The following DOT1L variants were observed in gnomAD, a reference collection of about 807,000 sequenced individuals.
DOT1L encodes the protein DOT1 like histone lysine methyltransferase, also known as histone-lysine N-methyltransferase, H3 lysine-79 specific.
DOT1L carries 33 observed loss-of-function variants against 153.3 expected under a neutral mutation model. The observed-to-expected ratio is 0.22, with a 90% CI of 0.16 to 0.29. The LOEUF (loss-of-function observed/expected upper bound fraction) is 0.29. Ranked by LOEUF, DOT1L falls within the 10% of genes least tolerant of loss-of-function variation. DOT1L has a pLI of 1.00. For missense variants in DOT1L, 1,847 were observed against 2,119.9 expected (o/e 0.87, Z 2.53); for synonymous variants, 1,135 against 965.1 (o/e 1.18, Z -3.26).
In DOT1L at chr19:2,204,509, T is replaced by G. The variant is rs1172154537; in HGVS notation, c.787+1730T>G. On this transcript the variant is annotated intron_variant, in intron 9 of 27. Coordinates refer to ENST00000398665, the MANE Select transcript of DOT1L (RefSeq NM_032482.3). This position sits in a 1 kb window ranked among gnomAD's most constrained non-coding sequence, Gnocchi z 5.7. ...TGCATGCAGGAAGGCAGCAGTGGCT[T>G]CAGGCAGCTCCTGTCACCCCCTCCA... 6.6e-6 allele frequency among the ~76,000 whole-genome samples: 1 copy of G among 152,180 alleles called. No homozygotes were observed. The highest frequency in any genetic ancestry group is 2.4e-5 in the African/African-American group (1 of 41,446).
intron 1 of DOT1L, among the ~76,000 whole-genome samples, chr19:2,178,942 C>T (rs183316570): frequency 6.6e-6 from 1 of 152,314 alleles, no homozygotes; most frequent in African/African-American, 2.4e-5. Flanking sequence ...CATCACAGTA[C>T]CCTGATCCGA....
Position 2,207,634 on chromosome 19 carries a change from C to T in DOT1L, c.917C>T (p.Thr306Met), listed in dbSNP as rs752264656. ...CCCCTGAAGGGCTCGGTGTCGTGGA[C>T]GGGGAAGCCAGTCTCCTACTACCTG... is the stretch of plus-strand genomic sequence containing the variant. ...LSPLKGSVSW[T>M]GKPVSYYLHT... The change falls in exon 11 of 28, where the codon ACG (threonine) becomes ATG (methionine). Residue 306 changes from threonine to methionine, a missense_variant. Coordinates refer to ENST00000398665, the MANE Select transcript of DOT1L (RefSeq NM_032482.3). The surrounding 1 kb of genome is among the most constrained non-coding windows in gnomAD (Gnocchi z 4.5). The T allele has an allele frequency of 1.2e-6, 2 of 1,612,782 alleles. No homozygotes were observed. The highest frequency in any genetic ancestry group is 1.3e-5 in the African/African-American group (1 of 75,020).
intron 9 of DOT1L, among the ~76,000 whole-genome samples, chr19:2,206,417 GT>G (rs1394731632): frequency 7.2e-5 from 11 of 151,846 alleles, no homozygotes; most frequent in Non-Finnish European, 1.5e-4. Context: ...AATTAGCCAG[GT>G]GTGGTGGTGT....
At position 2,213,612 on chromosome 19, in the gene DOT1L, G is replaced by A. The variant is rs368621121; in HGVS notation, c.1631G>A (p.Arg544Lys). The A allele has an allele frequency of 2.1e-5, 34 of 1,613,798 alleles. No individual in the cohort carries two copies. The African/African-American group carries it at 4.3e-4, about 20-fold the overall frequency. The change falls in exon 17 of 28, where the codon AGG (arginine) becomes AAG (lysine). Residue 544 changes from arginine (R) to lysine (K), a missense_variant. This residue lies in a region of DOT1L where 156 missense variants were observed against 235.7 expected (regional missense o/e 0.66). Transcript: ENST00000398665. Reference protein sequence around the residue: ...SHCQAQKEEIRRLFQQKLDEL... With the variant: ...SHCQAQKEEIKRLFQQKLDEL... Reference sequence around the variant, plus strand: ...TGCCAGGCCCAGAAGGAGGAGATCAGGAGGCTGTTTCAGCAAAAATTGGAT... The same window carrying A: ...TGCCAGGCCCAGAAGGAGGAGATCAAGAGGCTGTTTCAGCAAAAATTGGAT...
intron 3 of DOT1L, among the ~76,000 whole-genome samples, chr19:2,188,897 G>A (rs745602210): frequency 1.6e-4 from 24 of 152,308 alleles, no homozygotes; most frequent in African/African-American, 4.1e-4. Context: ...CCGCGTGGCC[G>A]GTGTTTCTTG....
At chr19:2,214,677 G>A in intron 19 of DOT1L, 81 bp downstream of exon 19, 3 of 1,538,278 alleles carry the variant, frequency 2.0e-6, no homozygotes, top group Admixed American at 1.9e-5. Flanking sequence ...AGCCTAGGGT[G>A]GTTGCGGTTG....
chr19:2,188,032 C>T (rs1288396896), intron 3 of DOT1L, among the ~76,000 whole-genome samples: 1 of 152,128 alleles, frequency 6.6e-6, no homozygotes, highest in East Asian at 1.9e-4. Flanking sequence ...TCCTCCGGCC[C>T]GCATGGTGCC....
chr19:2,186,630 G>A (rs940476124), intron 3 of DOT1L, among the ~76,000 whole-genome samples: 1 of 152,212 alleles, frequency 6.6e-6, no homozygotes, highest in African/African-American at 2.4e-5. Flanking sequence ...GGCCTCACTG[G>A]CATGTGGGAG....
Position 2,226,851 on chromosome 19 carries a change from C to T in DOT1L, c.4330C>T (p.Leu1444=), listed in dbSNP as rs766016375. The change falls in exon 27 of 28, where the codon CTG becomes TTG. Residue 1444 remains leucine (L), a synonymous_variant. Coordinates refer to ENST00000398665, the MANE Select transcript of DOT1L (RefSeq NM_032482.3). ...PPGSLLSGPG[L]APAASSAGGA... Reference sequence around the variant, plus strand: ...CGGAAGCCTCCTCAGCGGCCCCGGCCTGGCCCCGGCGGCGTCCTCCGCAGG... The same window carrying T: ...CGGAAGCCTCCTCAGCGGCCCCGGCTTGGCCCCGGCGGCGTCCTCCGCAGG... 5.1e-6 allele frequency: 8 copies of T among 1,579,008 alleles called. No homozygotes were observed. The African/African-American group carries it at 9.7e-5, about 19-fold the overall frequency.
Position 2,222,039 on chromosome 19 carries a change from C to G in DOT1L, c.2870C>G (p.Thr957Arg). Residue 957 changes from threonine (T) to arginine (R), a missense_variant, in exon 24 of 28, where the codon ACA (threonine) becomes AGA (arginine). Thr to Arg is a moderately conservative substitution (Grantham distance 71). This residue lies in a region of DOT1L where 934 missense variants were observed against 825.3 expected (regional missense o/e 1.13). Transcript: ENST00000398665. The surrounding 1 kb of genome is among the most constrained non-coding windows in gnomAD (Gnocchi z 6.5). Reference sequence around the variant, plus strand: ...TTGGCGGGCAGCCCGGCCTCTCTCACACCTGGAGCCGAGCCGGCCACCTTG... The same window carrying G: ...TTGGCGGGCAGCCCGGCCTCTCTCAGACCTGGAGCCGAGCCGGCCACCTTG... ...GALAGSPASL[T>R]PGAEPATLDE... 6.2e-7 allele frequency: 1 copy of G among 1,612,896 alleles called. No homozygotes were observed. The highest frequency in any genetic ancestry group is 8.5e-7 in the Non-Finnish European group (1 of 1,179,808).
intron 17 of DOT1L, 55 bp downstream of exon 17, chr19:2,213,695 G>C: frequency 1.2e-6 from 2 of 1,606,340 alleles, no homozygotes; most frequent in Non-Finnish European, 1.7e-6. Flanking sequence ...AGGCTGGGGT[G>C]GTCCATGTCC....
At chr19:2,227,611 T>A in intron 27 of DOT1L, 4 of 1,081,708 alleles carry the variant, frequency 3.7e-6, no homozygotes, top group Non-Finnish European at 4.8e-6. Flanking sequence ...CCGCTGCTTG[T>A]GCTTGGTGCC....
chr19:2,199,770 C>T, intron 7 of DOT1L, 114 bp from the exon 8 acceptor site: 1 of 1,414,644 alleles, frequency 7.1e-7, no homozygotes, highest in Non-Finnish European at 9.7e-7. Flanking sequence ...CCTCCTCCTG[C>T]TCCTTCACTG....
intron 27 of DOT1L, chr19:2,228,288 G>C: frequency 7.4e-7 from 1 of 1,354,122 alleles, no homozygotes; most frequent in South Asian, 1.2e-5. Context: ...CGCGGTGTGG[G>C]TGTCCCTCGG....
rs2023686672 is a variant in DOT1L at position 2,210,910 on chromosome 19, T to C, written c.1351+55T>C. 3.8e-6 allele frequency: 6 copies of C among 1,585,532 alleles called. No homozygotes were observed. In the East Asian group the frequency reaches 1.4e-4, roughly 36 times the overall value. ...TCTCCCCGAGTGCGGATGCCTGGGG[T>C]CCCCTCTGCTGGGACGCTGCCCTCC... is the stretch of plus-strand genomic sequence containing the variant. On this transcript the variant is annotated intron_variant, in intron 14 of 27. Transcript: ENST00000398665.
chr19:2,222,726 C>T lies in DOT1L; in HGVS notation c.3390+167C>T. 1 of 671,182 alleles carries T rather than the reference C, an allele frequency of 1.5e-6. No individual in the cohort carries two copies. The highest frequency in any genetic ancestry group is 2.3e-5 in the South Asian group (1 of 43,156). 41.6% of individuals were successfully genotyped at this position (671,182 alleles called of 1,614,324 possible). On this transcript the variant is annotated intron_variant, in intron 24 of 27. Transcript: ENST00000398665. This position sits in a 1 kb window ranked among gnomAD's most constrained non-coding sequence, Gnocchi z 6.5. ...CCATCCTGGCTAACACGGTGAAACC[C>T]CGTCTCTACCAAAAATACAAAAGAT...
chr19:2,164,543 G>A (rs2019835131), intron 1 of DOT1L: 4 of 275,630 alleles, frequency 1.5e-5, no homozygotes, highest in South Asian at 1.7e-4. Context: ...TCCCGGGCGC[G>A]GAACGGAAGG....
At chr19:2,167,776 C>T (rs2019983029) in intron 1 of DOT1L, among the ~76,000 whole-genome samples, 1 of 150,242 alleles carries the variant, frequency 6.7e-6, no homozygotes, top group Non-Finnish European at 1.5e-5. Context: ...TGCTCTATCG[C>T]CCAGGCTGGA....
Position 2,222,497 on chromosome 19 carries a change from C to T in DOT1L, c.3328C>T (p.Leu1110=). ...AGGCGTGTCCCCCAAGCGCCGAGCC[C>T]TGCCGTCCGTCGCTGGCCTTTTCAC... ...SAGVSPKRRA[L]PSVAGLFTQP... The change falls in exon 24 of 28, where the codon CTG becomes TTG. Residue 1110 remains leucine, a synonymous_variant. Transcript: ENST00000398665. The surrounding 1 kb of genome is among the most constrained non-coding windows in gnomAD (Gnocchi z 6.5). 1.9e-6 allele frequency: 3 copies of T among 1,587,912 alleles called. No homozygotes were observed. Among genetic ancestry groups the T allele is most frequent in the Non-Finnish European group, 2.6e-6 (3 of 1,170,396 alleles).
Sources: gnomAD v4.1 joint callset for allele counts (sites outside exome capture counted in the v4.1 genomes callset) on GRCh38, gnomAD v4.1.1 for gene constraint, gnomAD v4.1.1 regional missense constraint, Gnocchi (gnomAD v3.1) non-coding constraint, MANE v1.5 for transcripts, NCBI Gene and HGNC (gene_info 2026-07-23, HGNC 2026-07-21) for gene names.